GBP6: variants seen among roughly 807,000 people sequenced by gnomAD.
GBP6 encodes guanylate binding protein family member 6, also known as guanylate-binding protein 6.
In GBP6, 54 loss-of-function variants were observed where a neutral mutation model predicts 61.5. That is an observed-to-expected ratio of 0.88 (90% CI 0.71 to 1.10). The LOEUF (loss-of-function observed/expected upper bound fraction) is 1.10, where lower values mean the gene tolerates loss of function less well. Ranked by LOEUF, GBP6 falls within the 50% of genes least tolerant of loss-of-function variation. GBP6 has a pLI of 0.00. For missense variants in GBP6, 748 were observed against 752.8 expected (o/e 0.99, Z 0.07); for synonymous variants, 255 against 273.7 (o/e 0.93, Z 0.67).
chr1:89,377,134 G>T (rs960964004), intron 3 of GBP6, among the ~76,000 whole-genome samples: 3 of 152,086 alleles, frequency 2.0e-5, no homozygotes, highest in Non-Finnish European at 4.4e-5. Context: ...TGCTTTTTAG[G>T]ATAGAAATAA....
intron 9 of GBP6, 51 bp downstream of exon 9, chr1:89,383,805 C>G (rs1653056498): frequency 1.5e-6 from 2 of 1,311,258 alleles, no homozygotes; most frequent in African/African-American, 3.0e-5. Flanking sequence ...ATACAATGCC[C>G]TCTAACAGAT....
intron 4 of GBP6, 63 bp from the exon 5 acceptor site, chr1:89,378,354 A>G: frequency 2.6e-6 from 4 of 1,556,344 alleles, no homozygotes; most frequent in Non-Finnish European, 8.8e-7. Flanking sequence ...TGTTTATAAT[A>G]TTTTTATAAA....
chr1:89,373,747 T>C (rs1238720391), intron 3 of GBP6, among the ~76,000 whole-genome samples: 2 of 152,016 alleles, frequency 1.3e-5, no homozygotes, highest in African/African-American at 4.8e-5. Flanking sequence ...CACACCAACA[T>C]GGCACATGTA....
Position 89,378,501 on chromosome 1 carries a change from T to A in GBP6, c.513T>A (p.Ser171Arg). The A allele has an allele frequency of 6.2e-7, 1 of 1,614,068 alleles. No individual in the cohort carries two copies. Among genetic ancestry groups the A allele is most frequent in the Non-Finnish European group, 8.5e-7 (1 of 1,179,970 alleles). ...TAGAAGATTCCACAGAGTTTGTGAG[T>A]TTCTTCCCAGACTTTCTTTGGACAG... ...DGVEDSTEFV[S>R]FFPDFLWTVR... The change falls in exon 5 of 11, where the codon AGT becomes AGA. Residue 171 changes from serine (S) to arginine (R), a missense_variant. Ser to Arg is a moderately radical substitution (Grantham distance 110). Transcript: ENST00000370456.
chr1:89,380,378 T>A lies in GBP6; in HGVS notation c.626-8T>A, dbSNP rs1557541762. The A allele has an allele frequency of 6.2e-7, 1 of 1,608,770 alleles. No individual in the cohort carries two copies. Among genetic ancestry groups the A allele is most frequent in the Admixed American group, 1.7e-5 (1 of 59,620 alleles). On this transcript the variant is annotated splice_polypyrimidine_tract_variant and splice_region_variant and intron_variant, in intron 5 of 10. Coordinates refer to ENST00000370456, the MANE Select transcript of GBP6 (RefSeq NM_198460.3). The stretch of plus-strand genomic sequence containing the variant: ...TCACTATATTCTCTGTTTTTTTTTA[T>A]CCCTCAGGCAATAATCCCAGAGTTC...
In GBP6 at chr1:89,386,579, T is replaced by G. The variant is rs1653151201; in HGVS notation, c.*1110T>G. On this transcript the variant is annotated 3_prime_UTR_variant, in exon 11 of 11. Transcript: ENST00000370456. Reference sequence around the variant, plus strand: ...TTGCATCATATTCTTGTTTTCATTTTGGCCTGGTTTTTCGATCCCTTCTAT... The same window carrying G: ...TTGCATCATATTCTTGTTTTCATTTGGGCCTGGTTTTTCGATCCCTTCTAT... 6.6e-6 allele frequency: 1 copy of G among 152,250 alleles called. No homozygotes were observed. Among genetic ancestry groups the G allele is most frequent in the African/African-American group, 2.4e-5 (1 of 41,462 alleles). 9.4% of individuals were successfully genotyped at this position (152,250 alleles called of 1,614,324 possible). A position where few individuals can be genotyped will look rare whatever the true frequency, so the allele number is the denominator to read the frequency against.
Position 89,386,271 on chromosome 1 carries a change from A to T in GBP6, c.*802A>T, listed in dbSNP as rs1455273636. 6.6e-6 allele frequency: 1 copy of T among 152,224 alleles called. No individual in the cohort carries two copies. The highest frequency in any genetic ancestry group is 6.5e-5 in the Admixed American group (1 of 15,282). 9.4% of individuals were successfully genotyped at this position (152,224 alleles called of 1,614,324 possible). On this transcript the variant is annotated 3_prime_UTR_variant, in exon 11 of 11. Coordinates refer to ENST00000370456, the MANE Select transcript of GBP6 (RefSeq NM_198460.3). ...AAATATATCTCTGGAAAGATTAATC[A>T]AAATCTATTATTATTGGCTCCTTCT...
At chr1:89,365,756 G>A (rs1652452167) in intron 1 of GBP6, among the ~76,000 whole-genome samples, 1 of 152,172 alleles carries the variant, frequency 6.6e-6, no homozygotes, top group Non-Finnish European at 1.5e-5. Context: ...CAGGTTGGAT[G>A]TATGATTTAA....
At chr1:89,375,963 C>G (rs917974421) in intron 3 of GBP6, among the ~76,000 whole-genome samples, 3 of 152,096 alleles carry the variant, frequency 2.0e-5, no homozygotes, top group Admixed American at 6.6e-5. Context: ...GTTCCCCTCT[C>G]CACTAGCCCC....
rs1392894965 is a variant in GBP6 at position 89,381,942 on chromosome 1, G to A, written c.1120G>A (p.Asp374Asn). The change falls in exon 7 of 11, where the codon GAT becomes AAT. Residue 374 changes from aspartate (D) to asparagine (N), a missense_variant. Coordinates refer to ENST00000370456, the MANE Select transcript of GBP6 (RefSeq NM_198460.3). ...IAIFMEHSFK[D>N]ENQEFQKKFM... Reference sequence around the variant, plus strand: ...AATCTTCATGGAGCACTCCTTCAAGGATGAAAATCAGGAATTCCAGAAGAA... The same window carrying A: ...AATCTTCATGGAGCACTCCTTCAAGAATGAAAATCAGGAATTCCAGAAGAA... The A allele has an allele frequency of 2.5e-6, 4 of 1,611,246 alleles. No individual in the cohort carries two copies. Among genetic ancestry groups the A allele is most frequent in the Admixed American group, 3.3e-5 (2 of 59,898 alleles).
intron 6 of GBP6, 133 bp from the exon 7 acceptor site, chr1:89,381,561 G>C (rs1256842259): frequency 1.3e-6 from 1 of 742,038 alleles, no homozygotes; most frequent in East Asian, 2.6e-5. Context: ...GAAGGAGGTA[G>C]GGATGTGGGT....
At chr1:89,377,880 AC>A (rs1302987541) in intron 3 of GBP6, among the ~76,000 whole-genome samples, 1 of 152,190 alleles carries the variant, frequency 6.6e-6, no homozygotes, top group Non-Finnish European at 1.5e-5. Flanking sequence ...ATTTCATCCA[AC>A]TGAGGAAAAG....
chr1:89,386,409 A>G lies in GBP6; in HGVS notation c.*940A>G, dbSNP rs980045729. On this transcript the variant is annotated 3_prime_UTR_variant, in exon 11 of 11. Transcript: ENST00000370456. ...GATTCAGAAATAAATAAGAAAATGT[A>G]AGAGACAATGCTAATAATGATAACA... is the stretch of plus-strand genomic sequence containing the variant. 1.3e-5 allele frequency: 2 copies of G among 152,226 alleles called. No homozygotes were observed. Among genetic ancestry groups the G allele is most frequent in the African/African-American group, 4.8e-5 (2 of 41,454 alleles). The allele number at this position is 152,226 out of a possible 1,614,324, so 9.4% of individuals were successfully genotyped here.
chr1:89,374,520 A>G (rs572956251), intron 3 of GBP6, among the ~76,000 whole-genome samples: 1 of 152,252 alleles, frequency 6.6e-6, no homozygotes, highest in East Asian at 1.9e-4. Context: ...TTTTTCCATA[A>G]TAGCTGCATG....
chr1:89,374,015 G>A (rs1054582168), intron 3 of GBP6, among the ~76,000 whole-genome samples: 1 of 152,024 alleles, frequency 6.6e-6, no homozygotes, highest in Admixed American at 6.6e-5. Context: ...AAGTTCTCAT[G>A]AGAGCTGATC....
In GBP6 at chr1:89,378,202, G is replaced by C. The variant is rs752204040; in HGVS notation, c.418G>C (p.Glu140Gln). Residue 140 changes from glutamate (E) to glutamine (Q), a missense_variant, in exon 4 of 11, where the codon GAG becomes CAG. Physicochemically the swap from Glu to Gln is conservative, Grantham distance 29 (BLOSUM62 2). Coordinates refer to ENST00000370456, the MANE Select transcript of GBP6 (RefSeq NM_198460.3). ...SMSTINHQAL[E>Q]QLHYVTELTE... ...GAGCACCATCAACCACCAGGCCCTG[G>C]AGCAGCTGCAGTATCCTTCCAGGAA... The C allele has an allele frequency of 4.3e-5, 70 of 1,610,220 alleles. No homozygotes were observed. The highest frequency in any genetic ancestry group is 5.8e-5 in the Non-Finnish European group (68 of 1,179,182).
In GBP6 at chr1:89,383,851, T is replaced by C. The variant is rs912480456; in HGVS notation, c.1468+97T>C. On this transcript the variant is annotated intron_variant, in intron 9 of 10. Transcript: ENST00000370456. ...AACCTTCCCAAAATGAGGAATTTCCTCTTCTGTGGAACACACACTCTGCTA... is the reference window on the plus strand; with the variant it reads ...AACCTTCCCAAAATGAGGAATTTCCCCTTCTGTGGAACACACACTCTGCTA... The C allele has an allele frequency of 2.6e-5, 26 of 990,766 alleles. No individual in the cohort carries two copies. In the African/African-American group the frequency reaches 3.6e-4, roughly 14 times the overall value. The allele number at this position is 990,766 out of a possible 1,614,324, so 61.4% of individuals were successfully genotyped here. A position where few individuals can be genotyped will look rare whatever the true frequency, so the allele number is the denominator to read the frequency against.
chr1:89,365,601 AAT>A (rs1217867990), intron 1 of GBP6, among the ~76,000 whole-genome samples: 2 of 152,226 alleles, frequency 1.3e-5, no homozygotes, highest in Non-Finnish European at 2.9e-5. Context: ...ATTTTGTTGA[AAT>A]ATATAATCTA....
intron 9 of GBP6, 134 bp from the exon 10 acceptor site, chr1:89,383,959 T>C: frequency 1.0e-6 from 1 of 959,190 alleles, no homozygotes. Context: ...AAATGCGCTC[T>C]TAATGGTGTG....
Sources: allele counts gnomAD v4.1 joint callset (sites outside exome capture counted in the v4.1 genomes callset), GRCh38; gene constraint gnomAD v4.1.1; transcripts MANE v1.5; gene names NCBI Gene and HGNC (gene_info 2026-07-23, HGNC 2026-07-21).